The following FHIP1A variants were observed in gnomAD, a reference collection of about 807,000 sequenced individuals.
FHIP1A encodes the protein FHF complex subunit HOOK-interacting protein 1A.
Under a neutral mutation model 88.6 loss-of-function variants are expected in FHIP1A, and 61 were observed. The ratio of observed to expected loss-of-function variants is 0.69; its 90% CI spans 0.56 to 0.85. The LOEUF (loss-of-function observed/expected upper bound fraction) is 0.85, where lower values mean the gene tolerates loss of function less well. Among genes scored for constraint, FHIP1A ranks in the 40% least tolerant of loss-of-function variants. The pLI is 0.00. For synonymous variants in FHIP1A, 478 were observed against 496.0 expected (o/e 0.96, Z 0.48); for missense variants, 1,154 against 1,273.5 (o/e 0.91, Z 1.43).
At chr4:151,418,198 A>G (rs1350679856) in intron 1 of FHIP1A, among the ~76,000 whole-genome samples, 1 of 150,926 alleles carries the variant, frequency 6.6e-6, no homozygotes, top group African/African-American at 2.4e-5. Context: ...AAAAAAAACA[A>G]GAGAAACTCT....
chr4:151,481,421 TA>T lies in FHIP1A; in HGVS notation c.-247-1100del, dbSNP rs1159702660. Among the ~76,000 whole-genome samples the T allele has an allele frequency of 2.0e-5, 3 of 152,156 alleles. No homozygotes were observed. In the East Asian group the frequency reaches 5.8e-4, roughly 29 times the overall value. On this transcript the variant is annotated intron_variant, in intron 2 of 13. Coordinates refer to ENST00000435205, the MANE Select transcript of FHIP1A (RefSeq NM_001109977.3). ...AATGGCCAACAGAATTGTGATTAAG[TA>T]AATTATGTGGTTGTGGCAAATTTAC...
At chr4:151,430,390 T>G (rs1300156631) in intron 1 of FHIP1A, among the ~76,000 whole-genome samples, 1 of 152,244 alleles carries the variant, frequency 6.6e-6, no homozygotes, top group East Asian at 1.9e-4. Flanking sequence ...ATCACAGAAC[T>G]GGGACCACAT....
chr4:151,655,773 G>T (rs545912441), intron 11 of FHIP1A, among the ~76,000 whole-genome samples: 2 of 152,206 alleles, frequency 1.3e-5, no homozygotes, highest in African/African-American at 2.4e-5. Context: ...TCTTTACAGA[G>T]AATTTTTCAT....
chr4:151,444,840 T>G (rs116331250), intron 1 of FHIP1A, among the ~76,000 whole-genome samples: 1,863 of 152,274 alleles, frequency 0.012, 27 homozygotes, highest in African/African-American at 0.039. Context: ...TAAAAGAGGA[T>G]TACAATTTTT....
At chr4:151,609,584 T>A (rs1296510498) in intron 7 of FHIP1A, among the ~76,000 whole-genome samples, 1 of 152,058 alleles carries the variant, frequency 6.6e-6, no homozygotes, top group Admixed American at 6.6e-5. Flanking sequence ...TCTTTTTTTT[T>A]AAAGAATATC....
At chr4:151,620,003 C>G (rs898266168) in intron 7 of FHIP1A, among the ~76,000 whole-genome samples, 3 of 151,976 alleles carry the variant, frequency 2.0e-5, no homozygotes, top group Non-Finnish European at 4.4e-5. Flanking sequence ...GGGTTTATTC[C>G]CAAGGAAGAG....
chr4:151,661,803 A>AT (rs1402508935), intron 13 of FHIP1A, among the ~76,000 whole-genome samples: 3 of 152,236 alleles, frequency 2.0e-5, no homozygotes, highest in African/African-American at 7.2e-5. Flanking sequence ...CCCTCCTTCA[A>AT]TATAGGCTTC....
At chr4:151,515,087 A>G (rs1731178498) in intron 3 of FHIP1A, among the ~76,000 whole-genome samples, 1 of 152,296 alleles carries the variant, frequency 6.6e-6, no homozygotes, top group South Asian at 2.1e-4. Context: ...CCAGCAGCAC[A>G]TCAAAAAGCT....
chr4:151,441,776 G>C (rs1201131812), intron 1 of FHIP1A, among the ~76,000 whole-genome samples: 1 of 152,132 alleles, frequency 6.6e-6, no homozygotes, highest in African/African-American at 2.4e-5. Context: ...GTTCTGTGCA[G>C]ATTAATCTAG....
At chr4:151,547,796 C>T (rs1398901159) in intron 3 of FHIP1A, among the ~76,000 whole-genome samples, 1 of 152,092 alleles carries the variant, frequency 6.6e-6, no homozygotes, top group African/African-American at 2.4e-5. Flanking sequence ...TGCTTGTAAT[C>T]CCAGCTACTC....
intron 7 of FHIP1A, among the ~76,000 whole-genome samples, chr4:151,593,169 T>G (rs10095901): frequency 6.6e-6 from 1 of 152,344 alleles, no homozygotes; most frequent in African/African-American, 2.4e-5. Flanking sequence ...ACTGTAGCCT[T>G]GTAGTATAGT....
chr4:151,536,524 C>G (rs142630488), intron 3 of FHIP1A, among the ~76,000 whole-genome samples: 1 of 152,190 alleles, frequency 6.6e-6, no homozygotes, highest in East Asian at 1.9e-4. Context: ...AAAATTTTAT[C>G]GTTAAAAAAT....
intron 7 of FHIP1A, among the ~76,000 whole-genome samples, chr4:151,608,009 C>CTTTCTTCTTCTTTTTTTTTTTTTTTT (rs1560796732): frequency 9.7e-6 from 1 of 103,184 alleles, no homozygotes; most frequent in African/African-American, 3.5e-5. Context: ...TTTTCTTTTT[C>CTTTCTTCTTCTTTTTTTTTTTTTTTT]TTTTTTCTTT....
At chr4:151,654,019 C>T (rs1458992736) in intron 11 of FHIP1A, among the ~76,000 whole-genome samples, 1 of 151,056 alleles carries the variant, frequency 6.6e-6, no homozygotes, top group East Asian at 1.9e-4. Flanking sequence ...TGTGCTGAGC[C>T]TTTTGATTTT....
At chr4:151,477,955 A>T (rs1304816193) in intron 2 of FHIP1A, among the ~76,000 whole-genome samples, 1 of 152,178 alleles carries the variant, frequency 6.6e-6, no homozygotes, top group Non-Finnish European at 1.5e-5. Context: ...TTTATCCTAG[A>T]TACAAAAACA....
At chr4:151,545,662 C>T (rs770696127) in intron 3 of FHIP1A, among the ~76,000 whole-genome samples, 8 of 151,786 alleles carry the variant, frequency 5.3e-5, no homozygotes, top group Non-Finnish European at 8.8e-5. Context: ...CAGGTGTGAG[C>T]CACCTCCCCC....
chr4:151,512,573 A>T (rs963493846), intron 3 of FHIP1A, among the ~76,000 whole-genome samples: 3 of 152,238 alleles, frequency 2.0e-5, no homozygotes, highest in African/African-American at 7.2e-5. Flanking sequence ...AGACGACTGT[A>T]TAACTGGAAT....
chr4:151,598,736 A>G (rs1052299544), intron 7 of FHIP1A, among the ~76,000 whole-genome samples: 9 of 152,180 alleles, frequency 5.9e-5, no homozygotes, highest in African/African-American at 2.2e-4. Context: ...GGGGCTGCAT[A>G]GTTTTCTATA....
intron 7 of FHIP1A, among the ~76,000 whole-genome samples, chr4:151,625,626 T>A (rs1277790121): frequency 6.6e-6 from 1 of 152,056 alleles, no homozygotes; most frequent in Non-Finnish European, 1.5e-5. Flanking sequence ...ATGGCTGGGT[T>A]TGGTTCTGGC....
Sources: allele counts gnomAD v4.1 joint callset (sites outside exome capture counted in the v4.1 genomes callset), GRCh38; gene constraint gnomAD v4.1.1; transcripts MANE v1.5; gene names NCBI Gene and HGNC (gene_info 2026-07-23, HGNC 2026-07-21).